The following HIPK3 variants were observed in gnomAD, a reference collection of about 807,000 sequenced individuals.
The protein encoded by HIPK3 is homeodomain-interacting protein kinase 3.
A neutral mutation model predicts 124.2 loss-of-function variants in HIPK3; 47 were observed. The ratio of observed to expected loss-of-function variants is 0.38; its 90% CI spans 0.30 to 0.48. HIPK3 has a LOEUF of 0.48. Among genes scored for constraint, HIPK3 ranks in the 20% least tolerant of loss-of-function variants. The pLI, the probability that HIPK3 is intolerant of heterozygous loss-of-function variation, is 0.98. For missense variants in HIPK3, 1,286 were observed against 1,454.3 expected (o/e 0.88, Z 1.88); for synonymous variants, 482 against 515.2 (o/e 0.94, Z 0.87).
At chr11:33,345,325 C>A (rs896850701) in intron 8 of HIPK3, among the ~76,000 whole-genome samples, 4 of 152,120 alleles carry the variant, frequency 2.6e-5, no homozygotes, top group African/African-American at 9.7e-5. Flanking sequence ...CAGCAAAATT[C>A]TCTTCTGTTA....
chr11:33,259,053 TTTC>T (rs1403782147), intron 1 of HIPK3, among the ~76,000 whole-genome samples: 1 of 152,208 alleles, frequency 6.6e-6, no homozygotes, highest in East Asian at 1.9e-4. Flanking sequence ...TTTTGCGTAC[TTTC>T]TAGTAGTTTG....
At chr11:33,268,942 C>T (rs989420914) in intron 1 of HIPK3, among the ~76,000 whole-genome samples, 1 of 152,152 alleles carries the variant, frequency 6.6e-6, no homozygotes, top group African/African-American at 2.4e-5. Flanking sequence ...GAATGTTATA[C>T]TTTCATTTAA....
intron 1 of HIPK3, among the ~76,000 whole-genome samples, chr11:33,266,129 G>C (rs181950767): frequency 0.01 from 1,537 of 150,986 alleles, 7 homozygotes; most frequent in Non-Finnish European, 0.015. Flanking sequence ...TAAGTGCAAG[G>C]TACTGTGCAG....
At chr11:33,285,894 C>T (rs1851536305) in intron 1 of HIPK3, among the ~76,000 whole-genome samples, 1 of 152,026 alleles carries the variant, frequency 6.6e-6, no homozygotes, top group Non-Finnish European at 1.5e-5. Flanking sequence ...CCCTCAGCCT[C>T]CCGAGTAGCT....
chr11:33,280,111 G>A (rs1374751710), intron 1 of HIPK3, among the ~76,000 whole-genome samples: 3 of 152,138 alleles, frequency 2.0e-5, no homozygotes, highest in Non-Finnish European at 4.4e-5. Flanking sequence ...AAGCTTAATG[G>A]TTGCTCTAAT....
At chr11:33,342,542 CTTTTT>C (rs371154303) in intron 8 of HIPK3, among the ~76,000 whole-genome samples, 4 of 135,966 alleles carry the variant, frequency 2.9e-5, no homozygotes, top group Admixed American at 7.4e-5. Context: ...GCTATACATT[CTTTTT>C]TTTTTTTTTT....
intron 2 of HIPK3, among the ~76,000 whole-genome samples, chr11:33,296,029 G>A (rs1156456033): frequency 1.3e-5 from 2 of 152,170 alleles, no homozygotes; most frequent in East Asian, 3.8e-4. Flanking sequence ...TTCTAATTCT[G>A]TAGTTCCTCT....
At chr11:33,316,867 AAAAT>A (rs1231800663) in intron 2 of HIPK3, among the ~76,000 whole-genome samples, 2 of 152,194 alleles carry the variant, frequency 1.3e-5, no homozygotes, top group African/African-American at 4.8e-5. Context: ...ATAATAAATA[AAAAT>A]AAATAAGATT....
intron 2 of HIPK3, among the ~76,000 whole-genome samples, chr11:33,295,277 G>GCCCCCCCCCCCCCCCACCCCCCCCCGCC (rs34093915): frequency 9.4e-6 from 1 of 106,634 alleles, no homozygotes; most frequent in Admixed American, 1.0e-4. Flanking sequence ...AGCCACCACC[G>GCCCCCCCCCCCCCCCACCCCCCCCCGCC]CCCCCCCCCC....
At chr11:33,308,436 T>A (rs1014099547) in intron 2 of HIPK3, among the ~76,000 whole-genome samples, 1 of 152,256 alleles carries the variant, frequency 6.6e-6, no homozygotes, top group Non-Finnish European at 1.5e-5. Flanking sequence ...AAGTATGTTT[T>A]GAGAGTTACT....
In HIPK3 at chr11:33,281,768, C is replaced by G. The variant is rs77001106; in HGVS notation, c.-2-4645C>G. Reference sequence around the variant, plus strand: ...TTTTTCAGGTAGCAGTATTCAGAATCAGGTGAATAGCAAGGCAAATAAGTT... The same window carrying G: ...TTTTTCAGGTAGCAGTATTCAGAATGAGGTGAATAGCAAGGCAAATAAGTT... On this transcript the variant is annotated intron_variant, in intron 1 of 16. Transcript: ENST00000303296. Among the ~76,000 whole-genome samples, 419 of 152,176 alleles carry G rather than the reference C, an allele frequency of 2.8e-3. 3 individuals are homozygous for G. The highest frequency in any genetic ancestry group is 9.5e-3 in the African/African-American group (393 of 41,532).
At chr11:33,335,264 T>C (rs547473717) in intron 3 of HIPK3, among the ~76,000 whole-genome samples, 33 of 152,108 alleles carry the variant, frequency 2.2e-4, no homozygotes, top group Middle Eastern at 6.8e-3. Flanking sequence ...AGAGATAAAA[T>C]TGTGGGCACT....
chr11:33,290,416 G>GT (rs888953921), intron 2 of HIPK3, among the ~76,000 whole-genome samples: 2 of 151,568 alleles, frequency 1.3e-5, no homozygotes, highest in Non-Finnish European at 2.9e-5. Context: ...AGTAGTTTTT[G>GT]TTTTTTTCTT....
At chr11:33,267,182 G>A (rs2133869040) in intron 1 of HIPK3, among the ~76,000 whole-genome samples, 1 of 151,862 alleles carries the variant, frequency 6.6e-6, no homozygotes, top group Non-Finnish European at 1.5e-5. Context: ...GAGTGCAGTG[G>A]CGCGATCTGG....
chr11:33,293,004 T>C (rs1851741398), intron 2 of HIPK3, among the ~76,000 whole-genome samples: 1 of 152,234 alleles, frequency 6.6e-6, no homozygotes, highest in African/African-American at 2.4e-5. Context: ...CCCAAAGTGC[T>C]GGGATTACAG....
chr11:33,311,522 G>A (rs1852335422), intron 2 of HIPK3, among the ~76,000 whole-genome samples: 1 of 152,088 alleles, frequency 6.6e-6, no homozygotes, highest in Admixed American at 6.6e-5. Flanking sequence ...TTGTAGAGTA[G>A]TTTTAGGTTC....
chr11:33,349,369 A>C (rs1590194660), intron 14 of HIPK3, 82 bp downstream of exon 14: 12 of 1,157,608 alleles, frequency 1.0e-5, no homozygotes, highest in Non-Finnish European at 2.4e-6. Flanking sequence ...TTTAATAAGT[A>C]CCTGCCAGTT....
At chr11:33,282,699 G>C (rs1029577897) in intron 1 of HIPK3, among the ~76,000 whole-genome samples, 4 of 151,676 alleles carry the variant, frequency 2.6e-5, no homozygotes, top group Admixed American at 6.6e-5. Context: ...AAAATTATCT[G>C]TGAATTTAAT....
chr11:33,269,613 T>C (rs1565054271), intron 1 of HIPK3, among the ~76,000 whole-genome samples: 1 of 152,050 alleles, frequency 6.6e-6, no homozygotes, highest in Non-Finnish European at 1.5e-5. Flanking sequence ...AAGTCTAGGG[T>C]CCTCTGTTTC....
Sources: allele counts gnomAD v4.1 joint callset (sites outside exome capture counted in the v4.1 genomes callset), GRCh38; gene constraint gnomAD v4.1.1; transcripts MANE v1.5; gene names NCBI Gene and HGNC (gene_info 2026-07-23, HGNC 2026-07-21).